Variants in SPICE1 observed in about 807,000 individuals in gnomAD.
SPICE1 encodes spindle and centriole associated protein 1, also known as spindle and centriole-associated protein 1.
Under a neutral mutation model 102.7 loss-of-function variants are expected in SPICE1, and 75 were observed. That is an observed-to-expected ratio of 0.73 (90% CI 0.61 to 0.88). The LOEUF is 0.88. SPICE1 is among the 40% of genes least tolerant of loss of function. The pLI is 0.00. For synonymous variants in SPICE1, 308 were observed against 350.3 expected (o/e 0.88, Z 1.35); for missense variants, 979 against 1,020.1 (o/e 0.96, Z 0.55).
intron 7 of SPICE1, among the ~76,000 whole-genome samples, chr3:113,470,842 C>T (rs763029525): frequency 3.9e-5 from 6 of 152,194 alleles, no homozygotes; most frequent in East Asian, 1.9e-4. Context: ...AACTGCTGAT[C>T]CCTTTCTTCT....
At chr3:113,458,453 A>G (rs1576624589) in intron 12 of SPICE1, among the ~76,000 whole-genome samples, 1 of 152,266 alleles carries the variant, frequency 6.6e-6, no homozygotes, top group Admixed American at 6.5e-5. Context: ...ACCGCGAGTG[A>G]TCTGCCAGCC....
At chr3:113,501,225 G>C (rs1368875091) in intron 3 of SPICE1, among the ~76,000 whole-genome samples, 2 of 151,906 alleles carry the variant, frequency 1.3e-5, no homozygotes, top group Non-Finnish European at 2.9e-5. Context: ...AATAAAGTTG[G>C]GCCCCCCTCC....
chr3:113,446,776 T>A, intron 16 of SPICE1, 100 bp from the exon 17 acceptor site: 2 of 924,892 alleles, frequency 2.2e-6, no homozygotes, highest in Non-Finnish European at 3.5e-6. Context: ...GGCAAGAGCT[T>A]GAAAACATAT....
At chr3:113,484,201 T>C (rs1936589027) in intron 7 of SPICE1, among the ~76,000 whole-genome samples, 1 of 152,310 alleles carries the variant, frequency 6.6e-6, no homozygotes. Flanking sequence ...TGATGGTAGT[T>C]TGTATTTCTG....
intron 12 of SPICE1, chr3:113,460,277 C>T: frequency 1.0e-6 from 1 of 967,934 alleles, no homozygotes; most frequent in Non-Finnish European, 1.2e-6. Flanking sequence ...GTCTAGGTGT[C>T]CAGTTCTGCT....
chr3:113,455,532 G>C (rs1935760211), intron 13 of SPICE1, among the ~76,000 whole-genome samples: 1 of 152,170 alleles, frequency 6.6e-6, no homozygotes, highest in Non-Finnish European at 1.5e-5. Flanking sequence ...CACCATTCTG[G>C]ATGGAGCAGA....
chr3:113,509,220 G>A (rs1937172056), intron 1 of SPICE1, among the ~76,000 whole-genome samples: 1 of 150,800 alleles, frequency 6.6e-6, no homozygotes. Flanking sequence ...ACTTTAAAGG[G>A]TGAATTATAG....
intron 11 of SPICE1, among the ~76,000 whole-genome samples, chr3:113,461,686 T>C (rs1935936864): frequency 6.6e-6 from 1 of 152,208 alleles, no homozygotes; most frequent in African/African-American, 2.4e-5. Context: ...GCTGACACTC[T>C]GTAATAATAA....
chr3:113,450,528 A>G lies in SPICE1; in HGVS notation c.2143-12T>C, dbSNP rs776342770. 1.3e-6 allele frequency: 2 copies of G among 1,532,096 alleles called. No homozygotes were observed. Among genetic ancestry groups the G allele is most frequent in the Non-Finnish European group, 8.8e-7 (1 of 1,137,516 alleles). The allele number at this position is 1,532,096 out of a possible 1,614,324, so 94.9% of individuals were successfully genotyped here. On this transcript the variant is annotated splice_polypyrimidine_tract_variant and intron_variant, in intron 14 of 17. Transcript: ENST00000295872. ...GCTACTGGAAAAGTCTTTGGGAGAA[A>G]AAAAAAAAAAGTACAAATTGAATAC...
intron 7 of SPICE1, among the ~76,000 whole-genome samples, chr3:113,483,202 T>TG (rs1352959380): frequency 6.6e-6 from 1 of 152,156 alleles, no homozygotes; most frequent in Non-Finnish European, 1.5e-5. Flanking sequence ...TTTGGCTCTC[T>TG]GTTTGTCTGT....
intron 7 of SPICE1, among the ~76,000 whole-genome samples, chr3:113,472,787 C>T (rs181547888): frequency 6.6e-6 from 1 of 152,158 alleles, no homozygotes; most frequent in Non-Finnish European, 1.5e-5. Flanking sequence ...CCCATCTCTA[C>T]ATCACCAAAA....
intron 12 of SPICE1, chr3:113,460,165 G>A (rs1221318266): frequency 2.2e-5 from 22 of 985,224 alleles, no homozygotes; most frequent in Non-Finnish European, 2.4e-5. Flanking sequence ...TATCACACAT[G>A]AACAAAAGTT....
In SPICE1 at chr3:113,474,863, A is replaced by G. The variant is rs531502305; in HGVS notation, c.612-5625T>C. 4.6e-5 allele frequency among the ~76,000 whole-genome samples: 7 copies of G among 152,320 alleles called. No individual in the cohort carries two copies. In the South Asian group the frequency reaches 1.4e-3, roughly 32 times the overall value. ...AAAGATCCAAAATTGACACCCTAAC[A>G]TCACAATTAAAAGAACTAGAAAAGC... On this transcript the variant is annotated intron_variant, in intron 7 of 17. Transcript: ENST00000295872.
At chr3:113,465,338 T>G (rs1307725234) in intron 11 of SPICE1, among the ~76,000 whole-genome samples, 1 of 152,228 alleles carries the variant, frequency 6.6e-6, no homozygotes, top group African/African-American at 2.4e-5. Context: ...TAAAAGTGGC[T>G]GTCATAACAC....
At chr3:113,459,456 CA>C (rs200111666) in intron 12 of SPICE1, 28 of 955,116 alleles carry the variant, frequency 2.9e-5, no homozygotes, top group African/African-American at 2.9e-4. Context: ...CAAAACAAAA[CA>C]AAAAAAAACA....
intron 6 of SPICE1, among the ~76,000 whole-genome samples, chr3:113,492,929 C>G (rs1936796734): frequency 6.6e-6 from 1 of 152,138 alleles, no homozygotes; most frequent in African/African-American, 2.4e-5. Flanking sequence ...GGCCAAGTCA[C>G]CTAATTTTTC....
At chr3:113,447,839 C>G (rs2107439754) in intron 16 of SPICE1, among the ~76,000 whole-genome samples, 199 bp downstream of exon 16, 1 of 152,288 alleles carries the variant, frequency 6.6e-6, no homozygotes, top group East Asian at 1.9e-4. Flanking sequence ...GTAGCAAACC[C>G]ATGCCTTTCT....
At chr3:113,486,956 G>A (rs1936663074) in intron 7 of SPICE1, among the ~76,000 whole-genome samples, 1 of 151,508 alleles carries the variant, frequency 6.6e-6, no homozygotes, top group African/African-American at 2.4e-5. Context: ...ACCTACAAGG[G>A]TAAGTGTAGA....
At chr3:113,502,056 T>C (rs1442923042) in intron 3 of SPICE1, among the ~76,000 whole-genome samples, 3 of 152,224 alleles carry the variant, frequency 2.0e-5, no homozygotes, top group South Asian at 2.1e-4. Flanking sequence ...TACAATGGAA[T>C]ATTATTTGGC....
Sources: allele counts gnomAD v4.1 joint callset (sites outside exome capture counted in the v4.1 genomes callset), GRCh38; gene constraint gnomAD v4.1.1; transcripts MANE v1.5; gene names NCBI Gene and HGNC (gene_info 2026-07-23, HGNC 2026-07-21).